Variants in MECOM observed in about 807,000 individuals in gnomAD.
MECOM encodes histone-lysine N-methyltransferase MECOM.
Under a neutral mutation model 116.3 loss-of-function variants are expected in MECOM, and 13 were observed. That is an observed-to-expected ratio of 0.11 (90% CI 0.07 to 0.18). The LOEUF (loss-of-function observed/expected upper bound fraction) is 0.18. Among genes scored for constraint, MECOM ranks in the 10% least tolerant of loss-of-function variants. The probability of loss-of-function intolerance (pLI) is 1.00; values close to 1 mark genes in which losing one functional copy is unlikely to be tolerated. For missense variants in MECOM, 1,299 were observed against 1,509.0 expected, an observed-to-expected ratio of 0.86 and a Z score of 2.31; for synonymous variants, 528 against 535.2, an observed-to-expected ratio of 0.99 and a Z score of 0.19.
chr3:169,404,436 C>CA (rs904153780), intron 1 of MECOM, among the ~76,000 whole-genome samples: 7 of 152,168 alleles, frequency 4.6e-5, no homozygotes, highest in African/African-American at 1.7e-4. Flanking sequence ...TACCAACAAA[C>CA]AAAAAACAAG....
intron 2 of MECOM, among the ~76,000 whole-genome samples, chr3:169,353,536 AG>A (rs1726743525): frequency 6.6e-6 from 1 of 151,824 alleles, no homozygotes; most frequent in Non-Finnish European, 1.5e-5. Flanking sequence ...TGCTACTCCA[AG>A]TTAACCCTAA....
chr3:169,264,374 A>G lies in MECOM; in HGVS notation c.375+116813T>C, dbSNP rs185351480. 3.3e-4 allele frequency among the ~76,000 whole-genome samples: 50 copies of G among 152,224 alleles called. No individual in the cohort carries two copies. In the East Asian group the frequency reaches 8.3e-3, roughly 25 times the overall value. On this transcript the variant is annotated intron_variant, in intron 2 of 16. Coordinates refer to ENST00000651503, the MANE Select transcript of MECOM (RefSeq NM_004991.4). ...TGTTTTCTCCCTTCTTTTACTTCTC[A>G]GTATTTATCTTATTGTACATGTCTT...
chr3:169,400,286 T>C (rs892538809), intron 1 of MECOM, among the ~76,000 whole-genome samples: 8 of 152,188 alleles, frequency 5.3e-5, no homozygotes, highest in South Asian at 2.1e-4. Flanking sequence ...TCCAAAAGAA[T>C]AGATCAAAAT....
chr3:169,438,681 A>T (rs546011034), intron 1 of MECOM, among the ~76,000 whole-genome samples: 12 of 145,576 alleles, frequency 8.2e-5, no homozygotes, highest in Admixed American at 4.1e-4. Flanking sequence ...AGGGATATGG[A>T]TGGGGTACTG....
At position 169,251,581 on chromosome 3, in the gene MECOM, C is replaced by T. The variant is rs189350623; in HGVS notation, c.376-107749G>A. 2.5e-3 allele frequency among the ~76,000 whole-genome samples: 385 copies of T among 152,204 alleles called. 6 individuals are homozygous for T. The highest frequency in any genetic ancestry group is 0.022 in the Admixed American group (332 of 15,290). On this transcript the variant is annotated intron_variant, in intron 2 of 16. Coordinates refer to ENST00000651503, the MANE Select transcript of MECOM (RefSeq NM_004991.4). ...CTTCTCTTATTCTTGATTCAGAAGC[C>T]GCCAGGACCCAGCTCATATCCTGTG... is the stretch of plus-strand genomic sequence containing the variant.
intron 1 of MECOM, among the ~76,000 whole-genome samples, chr3:169,556,863 A>G (rs1195620184): frequency 2.6e-5 from 4 of 152,158 alleles, no homozygotes; most frequent in African/African-American, 9.7e-5. Flanking sequence ...ACCCTACGCT[A>G]CAACCACACT....
intron 1 of MECOM, among the ~76,000 whole-genome samples, chr3:169,394,237 G>T (rs1439929609): frequency 6.6e-6 from 1 of 152,086 alleles, no homozygotes; most frequent in African/African-American, 2.4e-5. Flanking sequence ...ACTTCTACAT[G>T]TAAATCACCA....
At chr3:169,164,878 T>C (rs1743338108) in intron 2 of MECOM, among the ~76,000 whole-genome samples, 1 of 152,178 alleles carries the variant, frequency 6.6e-6, no homozygotes, top group South Asian at 2.1e-4. Context: ...TTAAACTTCC[T>C]TGTACTTTTA....
At chr3:169,185,358 T>TA (rs1746571657) in intron 2 of MECOM, among the ~76,000 whole-genome samples, 1 of 152,012 alleles carries the variant, frequency 6.6e-6, no homozygotes, top group Non-Finnish European at 1.5e-5. Context: ...AGAGAGGACA[T>TA]AGAGTCCAAG....
At chr3:169,395,630 G>GA (rs1354747043) in intron 1 of MECOM, among the ~76,000 whole-genome samples, 3 of 151,792 alleles carry the variant, frequency 2.0e-5, no homozygotes, top group South Asian at 4.1e-4. Flanking sequence ...TCTTTTAAAA[G>GA]AAAAAAGGAA....
chr3:169,531,889 A>C (rs1454658289), intron 1 of MECOM, among the ~76,000 whole-genome samples: 1 of 152,190 alleles, frequency 6.6e-6, no homozygotes, highest in African/African-American at 2.4e-5. Context: ...GCTGGTCATC[A>C]TGGTATAGGA....
intron 1 of MECOM, among the ~76,000 whole-genome samples, chr3:169,598,860 C>T (rs1231627146): frequency 6.6e-6 from 1 of 152,004 alleles, no homozygotes; most frequent in Non-Finnish European, 1.5e-5. Context: ...AAATATGGGA[C>T]TAGGCATCAA....
chr3:169,214,034 C>G (rs1751112649), intron 2 of MECOM, among the ~76,000 whole-genome samples: 2 of 152,132 alleles, frequency 1.3e-5, no homozygotes, highest in Non-Finnish European at 2.9e-5. Flanking sequence ...AGCAATAATA[C>G]ACATCTGTAT....
chr3:169,144,611 T>G (rs1296848860), intron 2 of MECOM, among the ~76,000 whole-genome samples: 2 of 152,186 alleles, frequency 1.3e-5, no homozygotes, highest in Admixed American at 1.3e-4. Context: ...TGTTAATCAT[T>G]AGTTAGGACA....
chr3:169,566,004 C>T (rs781463813), intron 1 of MECOM: 6 of 435,218 alleles, frequency 1.4e-5, no homozygotes, highest in Non-Finnish European at 2.7e-5. Context: ...AGGAAACTTA[C>T]AATTGTGGTG....
intron 1 of MECOM, among the ~76,000 whole-genome samples, chr3:169,536,378 T>A (rs10513673): frequency 0.045 from 6,716 of 148,540 alleles, 324 homozygotes; most frequent in East Asian, 0.28. Flanking sequence ...GGTATTCCTT[T>A]AAGATCAGCA....
At chr3:169,650,037 C>T (rs1774692123) in intron 1 of MECOM, among the ~76,000 whole-genome samples, 1 of 152,210 alleles carries the variant, frequency 6.6e-6, no homozygotes, top group South Asian at 2.1e-4. Flanking sequence ...TCAACAACAT[C>T]ATTGCCAAAG....
At chr3:169,466,272 C>T (rs957328106) in intron 1 of MECOM, among the ~76,000 whole-genome samples, 1 of 152,158 alleles carries the variant, frequency 6.6e-6, no homozygotes, top group Non-Finnish European at 1.5e-5. Context: ...AGAAGCAGGT[C>T]CTTCTCAAAG....
chr3:169,561,255 C>T (rs571386444), intron 1 of MECOM, among the ~76,000 whole-genome samples: 7 of 151,958 alleles, frequency 4.6e-5, no homozygotes, highest in Non-Finnish European at 1.0e-4. Flanking sequence ...AACCTGGTAA[C>T]ATCTAATAAA....
Sources: allele counts gnomAD v4.1 joint callset (sites outside exome capture counted in the v4.1 genomes callset), GRCh38; gene constraint gnomAD v4.1.1; transcripts MANE v1.5; gene names NCBI Gene and HGNC (gene_info 2026-07-23, HGNC 2026-07-21).